The following NFASC variants were observed in gnomAD, a reference collection of about 807,000 sequenced individuals.
NFASC encodes the protein neurofascin.
NFASC carries 43 observed loss-of-function variants against 147.5 expected under a neutral mutation model. The observed-to-expected ratio is 0.29, with a 90% CI of 0.23 to 0.38. The LOEUF (loss-of-function observed/expected upper bound fraction) is 0.38. NFASC is among the 10% of genes least tolerant of loss of function. The pLI, the probability that NFASC is intolerant of heterozygous loss-of-function variation, is 1.00. For missense variants in NFASC, 1,320 were observed against 1,689.0 expected, an observed-to-expected ratio of 0.78 and a Z score of 3.83; for synonymous variants, 622 against 665.5, an observed-to-expected ratio of 0.93 and a Z score of 1.01.
intron 8 of NFASC, chr1:204,967,944 C>CGGTGG: frequency 2.1e-5 from 6 of 292,306 alleles, no homozygotes; most frequent in Admixed American, 9.6e-5. Context: ...GAGTAGATCT[C>CGGTGG]GCACTGCTCA....
In NFASC at chr1:204,969,069, A is replaced by G. The variant is rs1471158211; in HGVS notation, c.1003+87A>G. ...TCCCTCTGAGGGTGGTTGGGGGCAG[A>G]GTGAGTCGGAGAGACTTCCAGCCCA... On this transcript the variant is annotated intron_variant, in intron 10 of 29. Coordinates refer to ENST00000339876, the MANE Select transcript of NFASC (RefSeq NM_001005388.3). The G allele has an allele frequency of 3.2e-6, 4 of 1,231,656 alleles. No individual in the cohort carries two copies. The African/African-American group carries it at 4.5e-5, about 14-fold the overall frequency. 76.3% of individuals were successfully genotyped at this position (1,231,656 alleles called of 1,614,324 possible).
chr1:204,891,493 G>T (rs2082378830), intron 1 of NFASC, among the ~76,000 whole-genome samples: 1 of 152,186 alleles, frequency 6.6e-6, no homozygotes, highest in Non-Finnish European at 1.5e-5. Flanking sequence ...AGAGGCCCTA[G>T]GGCTAGAAGC....
chr1:204,991,176 TG>T, intron 23 of NFASC, 115 bp from the exon 24 acceptor site: 2 of 1,264,248 alleles, frequency 1.6e-6, no homozygotes, highest in Non-Finnish European at 1.1e-6. Flanking sequence ...GCATAAGGTT[TG>T]GGCTGGAACC....
At chr1:204,863,220 C>A (rs551169958) in intron 1 of NFASC, among the ~76,000 whole-genome samples, 1 of 152,310 alleles carries the variant, frequency 6.6e-6, no homozygotes, top group African/African-American at 2.4e-5. Context: ...TCCCCAGCTC[C>A]ATGCCATCAC....
intron 1 of NFASC, among the ~76,000 whole-genome samples, chr1:204,883,745 A>G (rs1322263311): frequency 6.6e-6 from 1 of 152,200 alleles, no homozygotes; most frequent in Non-Finnish European, 1.5e-5. Flanking sequence ...GGCTGGTGCC[A>G]GCAGCATGGG....
Position 204,883,223 on chromosome 1 carries a change from T to A in NFASC, c.-199-37409T>A, listed in dbSNP as rs555892653. Among the ~76,000 whole-genome samples, 3 of 152,338 alleles carry A rather than the reference T, an allele frequency of 2.0e-5. No individual in the cohort carries two copies. The South Asian group carries it at 6.2e-4, about 32-fold the overall frequency. On this transcript the variant is annotated intron_variant, in intron 1 of 29. Transcript: ENST00000339876. ...TATATGTGGCAAGCACTATAGGCCA[T>A]AAGGGGCTTGGCTGAAACACGGCAG...
intron 28 of NFASC, among the ~76,000 whole-genome samples, chr1:205,012,211 G>A (rs2096266609): frequency 6.6e-6 from 1 of 152,248 alleles, no homozygotes; most frequent in South Asian, 2.1e-4. Context: ...AGCCTCGGCT[G>A]AATGCTCACA....
chr1:204,975,602 G>T lies in NFASC; in HGVS notation c.1706+184G>T, dbSNP rs907629485. Among the ~76,000 whole-genome samples the T allele has an allele frequency of 3.3e-5, 5 of 151,916 alleles. No individual in the cohort carries two copies. The highest frequency in any genetic ancestry group is 1.2e-4 in the African/African-American group (5 of 41,366). On this transcript the variant is annotated intron_variant, in intron 15 of 29. Coordinates refer to ENST00000339876, the MANE Select transcript of NFASC (RefSeq NM_001005388.3). This position sits in a 1 kb window ranked among gnomAD's most constrained non-coding sequence, Gnocchi z 4.0. ...CTGCTTCAGGGGAGACCCCCCCACC[G>T]ACCCTGTACAACCTCCCTCTCTCCC...
intron 1 of NFASC, among the ~76,000 whole-genome samples, chr1:204,834,302 G>A (rs1673064435): frequency 6.6e-6 from 1 of 152,110 alleles, no homozygotes; most frequent in African/African-American, 2.4e-5. Context: ...AAAATTACAG[G>A]GTTGCTGCAA....
chr1:205,014,443 C>T (rs1574541715), intron 29 of NFASC, among the ~76,000 whole-genome samples: 1 of 152,228 alleles, frequency 6.6e-6, no homozygotes, highest in South Asian at 2.1e-4. Context: ...GGCCTAGGGG[C>T]GAGGAGTGCT....
chr1:204,992,207 G>A (rs1229838690), intron 24 of NFASC, among the ~76,000 whole-genome samples: 11 of 152,160 alleles, frequency 7.2e-5, no homozygotes, highest in Non-Finnish European at 1.6e-4. Flanking sequence ...GATGGGAAAT[G>A]AGAACAGGAT....
At chr1:204,985,863 C>G (rs1176541656) in intron 21 of NFASC, 1 of 1,334,312 alleles carries the variant, frequency 7.5e-7, no homozygotes, top group Non-Finnish European at 1.1e-6. Context: ...AACAACTAAC[C>G]CAGCCCTGCC....
intron 26 of NFASC, 148 bp from the exon 27 acceptor site, chr1:205,002,448 A>C (rs1470194166): frequency 1.2e-5 from 6 of 512,142 alleles, no homozygotes; most frequent in Non-Finnish European, 1.6e-5. Context: ...CTGCCTGGAA[A>C]CCTCCTGGTC....
intron 1 of NFASC, chr1:204,870,909 C>T: frequency 1.7e-6 from 2 of 1,209,138 alleles, no homozygotes; most frequent in Non-Finnish European, 2.1e-6. Flanking sequence ...GGCCAACTTT[C>T]AGGGAAAAGA....
chr1:204,952,992 C>T (rs1392852994), intron 5 of NFASC, among the ~76,000 whole-genome samples: 3 of 152,184 alleles, frequency 2.0e-5, no homozygotes, highest in East Asian at 1.9e-4. Context: ...TCTCGCTGGC[C>T]GTGGGAGTCA....
rs2096377453 is a variant in NFASC at position 205,018,302 on chromosome 1, G to C, written c.*1763G>C. On this transcript the variant is annotated 3_prime_UTR_variant, in exon 30 of 30. Coordinates refer to ENST00000339876, the MANE Select transcript of NFASC (RefSeq NM_001005388.3). Reference sequence around the variant, plus strand: ...TCTCCGGCTGCCAGCCAGGGGGCCTGGGCCAGACCAGGGCTCTGTCCTTCC... The same window carrying C: ...TCTCCGGCTGCCAGCCAGGGGGCCTCGGCCAGACCAGGGCTCTGTCCTTCC... The C allele has an allele frequency of 6.6e-6, 1 of 152,490 alleles. No homozygotes were observed. The highest frequency in any genetic ancestry group is 2.4e-5 in the African/African-American group (1 of 41,472). 9.4% of individuals were successfully genotyped at this position (152,490 alleles called of 1,614,324 possible). A position where few individuals can be genotyped will look rare whatever the true frequency, so the allele number is the denominator to read the frequency against.
At chr1:204,859,635 C>T (rs1202104558) in intron 1 of NFASC, among the ~76,000 whole-genome samples, 2 of 152,204 alleles carry the variant, frequency 1.3e-5, no homozygotes, top group African/African-American at 4.8e-5. Flanking sequence ...GAGGCTGGGT[C>T]TTGGGTCCCG....
intron 1 of NFASC, among the ~76,000 whole-genome samples, chr1:204,839,476 C>T (rs969050796): frequency 1.3e-5 from 2 of 151,842 alleles, no homozygotes; most frequent in African/African-American, 2.4e-5. Flanking sequence ...GGGTGGGATG[C>T]AGGGTGCTGG....
At chr1:204,984,941 A>G (rs895089985) in intron 21 of NFASC, among the ~76,000 whole-genome samples, 2 of 152,208 alleles carry the variant, frequency 1.3e-5, no homozygotes, top group Non-Finnish European at 2.9e-5. Flanking sequence ...GAGTTGGCTG[A>G]TGGACAGTTG....
Sources: allele counts gnomAD v4.1 joint callset (sites outside exome capture counted in the v4.1 genomes callset), GRCh38; gene constraint gnomAD v4.1.1; non-coding constraint Gnocchi (gnomAD v3.1); transcripts MANE v1.5; gene names NCBI Gene and HGNC (gene_info 2026-07-23, HGNC 2026-07-21).